ZPBP: variants seen among roughly 807,000 people sequenced by gnomAD.
ZPBP encodes the protein zona pellucida-binding protein 1.
ZPBP carries 26 observed loss-of-function variants against 44.8 expected under a neutral mutation model. The ratio of observed to expected loss-of-function variants is 0.58; its 90% confidence interval spans 0.43 to 0.81. The LOEUF (loss-of-function observed/expected upper bound fraction) is 0.81. Among genes scored for constraint, ZPBP ranks in the 30% least tolerant of loss-of-function variants. The pLI is 0.00. For missense variants in ZPBP, 409 were observed against 434.0 expected, an observed-to-expected ratio of 0.94 and a Z score of 0.51; for synonymous variants, 174 against 153.2, an observed-to-expected ratio of 1.14 and a Z score of -1.00.
intron 3 of ZPBP, among the ~76,000 whole-genome samples, chr7:50,073,962 G>A (rs887019481): frequency 1.3e-5 from 2 of 151,880 alleles, no homozygotes; most frequent in African/African-American, 2.4e-5. Context: ...TCACCTGAAG[G>A]TACAAAACTC....
At chr7:49,981,690 TATATAATTATATATAATATATTA>T in intron 7 of ZPBP, among the ~76,000 whole-genome samples, 1 of 41,764 alleles carries the variant, frequency 2.4e-5, no homozygotes, top group Non-Finnish European at 3.5e-5. Context: ...TATAATAATA[TATATAATTATATATAATATATTA>T]TATATAATAT....
chr7:49,987,713 G>T (rs1201068199), intron 6 of ZPBP, among the ~76,000 whole-genome samples: 1 of 145,512 alleles, frequency 6.9e-6, no homozygotes, highest in Non-Finnish European at 1.5e-5. Flanking sequence ...GCCTTTCTGT[G>T]TAGTTATATA....
chr7:49,937,397 C>T (rs1422916990), downstream of ZPBP: 11 of 704,434 alleles, frequency 1.6e-5, no homozygotes, highest in East Asian at 2.8e-5. Flanking sequence ...TTTGGACATA[C>T]AGTATTTGAT....
chr7:50,070,947 C>T (rs1232543293), intron 3 of ZPBP, among the ~76,000 whole-genome samples: 2 of 152,158 alleles, frequency 1.3e-5, no homozygotes, highest in East Asian at 3.8e-4. Context: ...GGCTCACTAG[C>T]CACAGAAAAA....
chr7:50,058,201 T>C (rs1801066975), intron 3 of ZPBP, 60 bp from the exon 4 acceptor site: 1 of 1,563,944 alleles, frequency 6.4e-7, no homozygotes, highest in Admixed American at 1.7e-5. Flanking sequence ...TACCAAAACA[T>C]TTTCTCAGCA....
chr7:49,871,838 C>T lies in ZPBP; in HGVS notation n.510-21324G>A, dbSNP rs1026588591. 3.3e-5 allele frequency among the ~76,000 whole-genome samples: 5 copies of T among 149,958 alleles called. No homozygotes were observed. In the East Asian group the frequency reaches 9.9e-4, roughly 30 times the overall value. On this transcript the variant is annotated intron_variant and non_coding_transcript_variant, in intron 2 of 2. Transcript: ENST00000465922. ...ATACACCCAATCAAAGACATACATACATGTACATGTATGCATATACATACA... is the reference window on the plus strand; with the variant it reads ...ATACACCCAATCAAAGACATACATATATGTACATGTATGCATATACATACA...
intron 1 of ZPBP, among the ~76,000 whole-genome samples, chr7:49,932,072 C>T (rs1583863402): frequency 6.6e-6 from 1 of 152,240 alleles, no homozygotes; most frequent in African/African-American, 2.4e-5. Context: ...ACGGAAATGC[C>T]TGGATGTCCA....
At chr7:50,027,759 A>C (rs1799406141) in intron 5 of ZPBP, among the ~76,000 whole-genome samples, 1 of 152,002 alleles carries the variant, frequency 6.6e-6, no homozygotes, top group Non-Finnish European at 1.5e-5. Context: ...TCAGAAATAA[A>C]AAGGATAACA....
At chr7:49,856,799 G>T (rs1790435282) in intron 2 of ZPBP, among the ~76,000 whole-genome samples, 1 of 152,018 alleles carries the variant, frequency 6.6e-6, no homozygotes, top group African/African-American at 2.4e-5. Context: ...CACGAGGTCA[G>T]GAGATCGAGA....
chr7:50,088,554 T>C (rs1562620617), intron 2 of ZPBP, among the ~76,000 whole-genome samples: 1 of 151,916 alleles, frequency 6.6e-6, no homozygotes, highest in Non-Finnish European at 1.5e-5. Context: ...AAGAACTCTA[T>C]AATTCAACAA....
rs1266113673 is a variant in ZPBP at position 50,009,016 on chromosome 7, C to T, written c.783+9224G>A. On this transcript the variant is annotated intron_variant, in intron 6 of 7. Coordinates refer to ENST00000046087, the MANE Select transcript of ZPBP (RefSeq NM_007009.3). ...TGGGAGGCCAAGCTGTGTGGATCAC[C>T]TGAGGTCAGGAGTTCAAGACCAGCC... Among the ~76,000 whole-genome samples, 3 of 151,788 alleles carry T rather than the reference C, an allele frequency of 2.0e-5. No homozygotes were observed. In the East Asian group the frequency reaches 5.8e-4, roughly 29 times the overall value.
intron 7 of ZPBP, among the ~76,000 whole-genome samples, chr7:49,964,879 T>C (rs1795998410): frequency 6.6e-6 from 1 of 152,094 alleles, no homozygotes; most frequent in African/African-American, 2.4e-5. Context: ...GGCTAGGTCA[T>C]AAAAACATCA....
intron 4 of ZPBP, chr7:50,056,274 A>C (rs1027555821): frequency 6.6e-6 from 1 of 152,216 alleles, no homozygotes. Context: ...GGGGAATCCA[A>C]TTCTTTGTCA....
At chr7:50,063,333 T>A (rs185378315) in intron 3 of ZPBP, among the ~76,000 whole-genome samples, 79 of 152,362 alleles carry the variant, frequency 5.2e-4, no homozygotes, top group African/African-American at 1.9e-3. Flanking sequence ...CATTCCCCCA[T>A]TTGGTGCTTT....
intron 2 of ZPBP, among the ~76,000 whole-genome samples, chr7:49,859,790 G>GCACA (rs57768700): frequency 0.036 from 431 of 12,010 alleles, 3 homozygotes; most frequent in African/African-American, 0.11. Context: ...GCGCGTGCGT[G>GCACA]CACACACACA....
intron 2 of ZPBP, among the ~76,000 whole-genome samples, chr7:49,880,388 G>T (rs1440089162): frequency 1.3e-5 from 2 of 151,722 alleles, no homozygotes; most frequent in South Asian, 2.1e-4. Flanking sequence ...TTTCTTTCAT[G>T]TTACCATGTT....
intron 6 of ZPBP, among the ~76,000 whole-genome samples, chr7:50,014,774 A>G (rs917464381): frequency 2.0e-5 from 3 of 151,996 alleles, no homozygotes; most frequent in Non-Finnish European, 4.4e-5. Context: ...CTAATACAAC[A>G]TATTTAAAAC....
At chr7:49,947,143 T>C (rs1247053935) in intron 7 of ZPBP, among the ~76,000 whole-genome samples, 1 of 152,170 alleles carries the variant, frequency 6.6e-6, no homozygotes, top group Admixed American at 6.6e-5. Flanking sequence ...AAATAGCTAT[T>C]ATGAATTCTC....
chr7:50,035,919 G>T (rs1306222426), intron 4 of ZPBP, among the ~76,000 whole-genome samples: 1 of 151,982 alleles, frequency 6.6e-6, no homozygotes, highest in Admixed American at 6.6e-5. Flanking sequence ...AAAAATGCAA[G>T]ATCTAATATA....
Sources: gnomAD v4.1 joint callset for allele counts (sites outside exome capture counted in the v4.1 genomes callset) on GRCh38, gnomAD v4.1.1 for gene constraint, MANE v1.5 for transcripts, NCBI Gene and HGNC (gene_info 2026-07-23, HGNC 2026-07-21) for gene names.